CCDC201: variants seen among roughly 807,000 people sequenced by gnomAD.
CCDC201 encodes coiled-coil domain-containing protein 201.
the CCDC201 span, among the ~76,000 whole-genome samples, chr7:45,882,206 C>A: frequency 6.6e-6 from 1 of 152,156 alleles, no homozygotes; most frequent in African/African-American, 2.4e-5. Context: ...GGTGAGTAAG[C>A]AGCACACTGC....
At chr7:45,867,816 C>T (rs1224187532) in intron 1 of CCDC201, among the ~76,000 whole-genome samples, 1 of 152,186 alleles carries the variant, frequency 6.6e-6, no homozygotes, top group East Asian at 1.9e-4. Flanking sequence ...CATTTGTACA[C>T]AGAGAGGATT....
chr7:45,880,733 C>T, the CCDC201 span, among the ~76,000 whole-genome samples: 7 of 152,338 alleles, frequency 4.6e-5, no homozygotes, highest in Admixed American at 1.3e-4. Flanking sequence ...TGCTTGCCGC[C>T]GTGTTGTAAT....
chr7:45,883,245 G>A, the CCDC201 span, among the ~76,000 whole-genome samples: 2 of 151,706 alleles, frequency 1.3e-5, no homozygotes, highest in South Asian at 4.1e-4. Flanking sequence ...CTATGTGCTT[G>A]TCCCCTGTTC....
At chr7:45,878,885 T>A in the CCDC201 span, among the ~76,000 whole-genome samples, 3 of 152,256 alleles carry the variant, frequency 2.0e-5, no homozygotes, top group Non-Finnish European at 4.4e-5. Flanking sequence ...TTTTCCAAAC[T>A]TTTTCACTCT....
At chr7:45,867,515 A>G (rs1469707296) in intron 1 of CCDC201, among the ~76,000 whole-genome samples, 2 of 152,220 alleles carry the variant, frequency 1.3e-5, no homozygotes, top group East Asian at 3.8e-4. Context: ...GAATGTTAAA[A>G]ATGGAATGAT....
the CCDC201 span, among the ~76,000 whole-genome samples, chr7:45,880,390 G>A: frequency 2.6e-5 from 4 of 152,234 alleles, no homozygotes; most frequent in Non-Finnish European, 5.9e-5. Context: ...ATAAACACAT[G>A]ATCCTCATAC....
chr7:45,868,669 C>T (rs112543061), intron 1 of CCDC201, among the ~76,000 whole-genome samples: 4 of 152,188 alleles, frequency 2.6e-5, no homozygotes, highest in African/African-American at 9.6e-5. Flanking sequence ...GGAGATGAGC[C>T]CTGTATTTTT....
upstream of CCDC201, among the ~76,000 whole-genome samples, chr7:45,875,502 AAG>A (rs1186188237): frequency 6.6e-6 from 1 of 152,198 alleles, no homozygotes; most frequent in Non-Finnish European, 1.5e-5. Flanking sequence ...CATATCCAAA[AAG>A]AGACACACAG....
chr7:45,882,724 A>T, the CCDC201 span, among the ~76,000 whole-genome samples: 1 of 152,184 alleles, frequency 6.6e-6, no homozygotes, highest in Admixed American at 6.5e-5. Flanking sequence ...TTTCTGAATC[A>T]CTGATAGTGG....
upstream of CCDC201, among the ~76,000 whole-genome samples, chr7:45,874,514 T>G (rs113537600): frequency 3.3e-3 from 508 of 152,330 alleles, 5 homozygotes; most frequent in African/African-American, 0.012. Flanking sequence ...GAGGCACGGC[T>G]GCAGAGCTAA....
intron 1 of CCDC201, among the ~76,000 whole-genome samples, chr7:45,869,098 C>T (rs2116522210): frequency 6.6e-6 from 1 of 152,222 alleles, no homozygotes; most frequent in Middle Eastern, 3.4e-3. Flanking sequence ...ACAAAACATG[C>T]ACAATAGAAT....
exon 3 of CCDC201, chr7:45,861,738 T>C (rs1212755787): frequency 6.6e-6 from 1 of 152,282 alleles, no homozygotes; most frequent in Admixed American, 6.5e-5. Flanking sequence ...TAAGCCAGTC[T>C]CAGATTTCAT....
intron 2 of CCDC201, among the ~76,000 whole-genome samples, chr7:45,863,710 G>A (rs562516385): frequency 1.4e-4 from 22 of 152,288 alleles, no homozygotes; most frequent in African/African-American, 4.8e-4. Flanking sequence ...GGGATTTTGG[G>A]TGGCTGAGTC....
chr7:45,869,913 A>T (rs183495301), intron 1 of CCDC201, among the ~76,000 whole-genome samples: 1 of 150,114 alleles, frequency 6.7e-6, no homozygotes, highest in Admixed American at 6.7e-5. Context: ...TGCCTCTTGG[A>T]TTCAAGCGAT....
intron 1 of CCDC201, among the ~76,000 whole-genome samples, chr7:45,869,748 C>T (rs1392707815): frequency 1.3e-5 from 2 of 152,108 alleles, no homozygotes; most frequent in Non-Finnish European, 2.9e-5. Flanking sequence ...GCATCCCGTA[C>T]ATTGCTGGTG....
intron 1 of CCDC201, among the ~76,000 whole-genome samples, chr7:45,866,927 G>A (rs1026959814): frequency 1.3e-5 from 2 of 152,148 alleles, no homozygotes; most frequent in Non-Finnish European, 2.9e-5. Flanking sequence ...TTATGAACAG[G>A]TGAAGCACAC....
Position 45,861,252 on chromosome 7 carries a change from G to A in CCDC201, c.*1833C>T, listed in dbSNP as rs144110075. Reference sequence around the variant, plus strand: ...TTACTCTGATGTATTTATCTCTATGGTGTGCAATATAGGCAGTTTTTTTCT... The same window carrying A: ...TTACTCTGATGTATTTATCTCTATGATGTGCAATATAGGCAGTTTTTTTCT... On this transcript the variant is annotated 3_prime_UTR_variant, in exon 3 of 3. Transcript: ENST00000636578. The A allele has an allele frequency of 7.6e-3, 1,151 of 152,230 alleles. 13 individuals are homozygous for A. The highest frequency in any genetic ancestry group is 0.026 in the African/African-American group (1,091 of 41,532). 9.4% of individuals were successfully genotyped at this position (152,230 alleles called of 1,614,324 possible). A position where few individuals can be genotyped will look rare whatever the true frequency, so the allele number is the denominator to read the frequency against.
chr7:45,878,564 C>G, the CCDC201 span, among the ~76,000 whole-genome samples: 1 of 152,234 alleles, frequency 6.6e-6, no homozygotes, highest in Non-Finnish European at 1.5e-5. Flanking sequence ...AAGCAATGGC[C>G]TGAGCAGTAC....
chr7:45,883,975 CTTTCT>C, the CCDC201 span, among the ~76,000 whole-genome samples: 96 of 151,706 alleles, frequency 6.3e-4, no homozygotes, highest in African/African-American at 2.1e-3. Flanking sequence ...CTTTTTCTTT[CTTTCT>C]TTTCTTTTCT....
Sources: allele counts gnomAD v4.1 joint callset (sites outside exome capture counted in the v4.1 genomes callset), GRCh38; gene constraint gnomAD v4.1.1; transcripts MANE v1.5; gene names NCBI Gene and HGNC (gene_info 2026-07-23, HGNC 2026-07-21).